Variants in ECD observed in about 807,000 individuals in gnomAD.
The protein encoded by ECD is ecdysoneless cell cycle regulator, also known as protein ecdysoneless homolog.
A neutral mutation model predicts 77.2 loss-of-function variants in ECD; 59 were observed. The ratio of observed to expected loss-of-function variants is 0.76; its 90% confidence interval spans 0.62 to 0.95. The LOEUF is 0.95. Among genes scored for constraint, ECD ranks in the 40% least tolerant of loss-of-function variants. ECD has a pLI of 0.00. For missense variants in ECD, 704 were observed against 763.4 expected (o/e 0.92, Z 0.92); for synonymous variants, 233 against 267.4 (o/e 0.87, Z 1.26).
intron 9 of ECD, among the ~76,000 whole-genome samples, chr10:73,142,478 G>A (rs562398454): frequency 2.0e-5 from 3 of 151,734 alleles, no homozygotes; most frequent in Non-Finnish European, 4.4e-5. Context: ...GCTAAAATAC[G>A]AAAAGATTAG....
chr10:73,142,040 G>A (rs1843064432), intron 9 of ECD, among the ~76,000 whole-genome samples: 2 of 152,098 alleles, frequency 1.3e-5, no homozygotes, highest in South Asian at 2.1e-4. Context: ...CTGCAGCCTT[G>A]ACTCTTGGGA....
intron 9 of ECD, among the ~76,000 whole-genome samples, chr10:73,145,835 G>T (rs1490184461): frequency 6.6e-6 from 1 of 151,912 alleles, no homozygotes; most frequent in Non-Finnish European, 1.5e-5. Context: ...AGTAGATACG[G>T]GGTTTCACCA....
chr10:73,148,412 A>C lies in ECD; in HGVS notation c.913-8T>G. The C allele has an allele frequency of 6.2e-7, 1 of 1,603,510 alleles. No individual in the cohort carries two copies. The highest frequency in any genetic ancestry group is 8.5e-7 in the Non-Finnish European group (1 of 1,175,838). On this transcript the variant is annotated splice_polypyrimidine_tract_variant and splice_region_variant and intron_variant, in intron 7 of 13. Transcript: ENST00000372979. ...GATCTCAAATCCATGAGCCTAGATG[A>C]GATAGGTAGAATTTTTGTTACTAAG...
chr10:73,164,077 T>C, intron 1 of ECD, 127 bp from the exon 2 acceptor site: 1 of 743,622 alleles, frequency 1.3e-6, no homozygotes, highest in African/African-American at 1.8e-5. Flanking sequence ...GGTTCATGCA[T>C]GTAATCCTAT....
chr10:73,154,064 G>A (rs1474887353), intron 6 of ECD, among the ~76,000 whole-genome samples, 192 bp downstream of exon 6: 1 of 152,096 alleles, frequency 6.6e-6, no homozygotes, highest in East Asian at 1.9e-4. Context: ...CTAGTCCCAA[G>A]CATTTCAGAT....
Position 73,134,697 on chromosome 10 carries a change from G to C in ECD, c.1821C>G (p.Ser607=). Residue 607 remains serine (S), a synonymous_variant, in exon 14 of 14, where the codon TCC becomes TCG. Coordinates refer to ENST00000372979, the MANE Select transcript of ECD (RefSeq NM_007265.3). ...CTGCCAGTCCAGCTTGGGAGCTATA[G>C]GATTCCAATATATTTGAAACCAGGT... The part of the protein sequence containing the change: ...DLNLVSNILE[S]YSSQAGLAGP... 1 of 1,614,138 alleles carries C rather than the reference G, an allele frequency of 6.2e-7. No homozygotes were observed. The highest frequency in any genetic ancestry group is 8.5e-7 in the Non-Finnish European group (1 of 1,180,030).
intron 11 of ECD, among the ~76,000 whole-genome samples, chr10:73,138,801 G>A (rs1292396437): frequency 2.0e-5 from 3 of 152,158 alleles, no homozygotes; most frequent in Non-Finnish European, 2.9e-5. Flanking sequence ...TCCTGACTTC[G>A]TGATCTGCCT....
Position 73,148,271 on chromosome 10 carries a change from C to A in ECD, c.1041+5G>T. ...ACTTAAAAGCAAATATATTGCAAGT[C>A]CTACCTTAAAGTAATCATTCTTTTT... On this transcript the variant is annotated splice_donor_5th_base_variant and intron_variant, in intron 8 of 13. Transcript: ENST00000372979. 1 of 1,612,964 alleles carries A rather than the reference C, an allele frequency of 6.2e-7. No homozygotes were observed.
intron 2 of ECD, among the ~76,000 whole-genome samples, chr10:73,161,998 CTCT>C (rs1454102777): frequency 6.6e-6 from 1 of 152,222 alleles, no homozygotes; most frequent in Non-Finnish European, 1.5e-5. Context: ...GCCCAACCAA[CTCT>C]TCTTCTCCCC....
intron 9 of ECD, among the ~76,000 whole-genome samples, chr10:73,145,657 C>CTTTTTTT (rs748175828): frequency 8.1e-6 from 1 of 124,152 alleles, no homozygotes; most frequent in Non-Finnish European, 1.7e-5. Flanking sequence ...TATTGTGCAG[C>CTTTTTTT]TTTTTTTTTT....
chr10:73,151,498 C>G (rs949461671), intron 7 of ECD, among the ~76,000 whole-genome samples: 5 of 149,542 alleles, frequency 3.3e-5, no homozygotes, highest in African/African-American at 1.2e-4. Context: ...GCACGTTGTG[C>G]ACATGTACCC....
At chr10:73,167,022 T>G (rs1461157803) in intron 1 of ECD, among the ~76,000 whole-genome samples, 1 of 152,228 alleles carries the variant, frequency 6.6e-6, no homozygotes, top group East Asian at 1.9e-4. Flanking sequence ...GGTTTCATTC[T>G]TCTGCATACG....
intron 9 of ECD, among the ~76,000 whole-genome samples, chr10:73,142,261 G>A (rs895681283): frequency 2.0e-5 from 3 of 151,672 alleles, no homozygotes; most frequent in Non-Finnish European, 4.4e-5. Flanking sequence ...CACCCATCTC[G>A]GTCTCCCAAA....
At chr10:73,139,233 AGTG>A in intron 11 of ECD, 73 bp downstream of exon 11, 2 of 1,360,720 alleles carry the variant, frequency 1.5e-6, no homozygotes, top group Non-Finnish European at 1.9e-6. Flanking sequence ...AAAAAAAAAA[AGTG>A]GAAATGGCAA....
chr10:73,163,945 T>C lies in ECD; in HGVS notation c.-8A>G. 6.2e-7 allele frequency: 1 copy of C among 1,613,092 alleles called. No individual in the cohort carries two copies. Among genetic ancestry groups the C allele is most frequent in the Non-Finnish European group, 8.5e-7 (1 of 1,179,842 alleles). On this transcript the variant is annotated 5_prime_UTR_variant, in exon 2 of 14. Coordinates refer to ENST00000372979, the MANE Select transcript of ECD (RefSeq NM_007265.3). ...CTTCATGGTTTCTTCCATTCTTCTT[T>C]GAAAACTATGTTTAAAGTTCCAAAA...
intron 11 of ECD, 121 bp from the exon 12 acceptor site, chr10:73,138,191 A>G (rs375895751): frequency 1.5e-6 from 1 of 685,526 alleles, no homozygotes; most frequent in African/African-American, 1.9e-5. Context: ...AGGCACAGCA[A>G]GAAAAGTTGT....
chr10:73,148,186 T>C (rs1412399751), intron 8 of ECD, 90 bp downstream of exon 8: 8 of 1,465,562 alleles, frequency 5.5e-6, no homozygotes, highest in Non-Finnish European at 5.5e-6. Context: ...AATTATGTCA[T>C]ACATTTAAAT....
chr10:73,156,034 A>G (rs571634943), intron 5 of ECD, among the ~76,000 whole-genome samples: 1 of 152,222 alleles, frequency 6.6e-6, no homozygotes, highest in Non-Finnish European at 1.5e-5. Flanking sequence ...ATGGGAATTT[A>G]AAGATGTATC....
chr10:73,160,103 A>G (rs1203419787), intron 3 of ECD, among the ~76,000 whole-genome samples: 1 of 151,584 alleles, frequency 6.6e-6, no homozygotes, highest in African/African-American at 2.4e-5. Context: ...CCTAGCCAAC[A>G]TGGTGAACCC....
Sources: gnomAD v4.1 joint callset for allele counts (sites outside exome capture counted in the v4.1 genomes callset) on GRCh38, gnomAD v4.1.1 for gene constraint, MANE v1.5 for transcripts, NCBI Gene and HGNC (gene_info 2026-07-23, HGNC 2026-07-21) for gene names.